The following PPARGC1B variants were observed in gnomAD, a reference collection of about 807,000 sequenced individuals.
PPARGC1B encodes peroxisome proliferator-activated receptor gamma coactivator 1-beta.
PPARGC1B carries 34 observed loss-of-function variants against 101.6 expected under a neutral mutation model. The observed-to-expected ratio is 0.33, with a 90% confidence interval of 0.25 to 0.45. PPARGC1B has a LOEUF of 0.45. PPARGC1B is among the 20% of genes least tolerant of loss of function. The probability of loss-of-function intolerance (pLI) is 1.00; values close to 1 mark genes in which losing one functional copy is unlikely to be tolerated. For synonymous variants in PPARGC1B, 548 were observed against 539.3 expected (o/e 1.02, Z -0.22); for missense variants, 1,234 against 1,317.6 (o/e 0.94, Z 0.98).
intron 1 of PPARGC1B, among the ~76,000 whole-genome samples, chr5:149,790,753 G>A (rs1400057379): frequency 1.3e-5 from 2 of 152,096 alleles, no homozygotes; most frequent in Non-Finnish European, 2.9e-5. Flanking sequence ...CTGTGAGATG[G>A]GACCGGGCAA....
intron 1 of PPARGC1B, among the ~76,000 whole-genome samples, chr5:149,731,987 C>A (rs1374936237): frequency 3.3e-5 from 5 of 151,806 alleles, no homozygotes; most frequent in African/African-American, 1.2e-4. Context: ...GGGCTAGTGG[C>A]GTGTGATTGC....
At chr5:149,763,778 G>A (rs1465937696) in intron 1 of PPARGC1B, among the ~76,000 whole-genome samples, 1 of 151,868 alleles carries the variant, frequency 6.6e-6, no homozygotes, top group Non-Finnish European at 1.5e-5. Context: ...TCATTTCTCT[G>A]CCTTTTTTTC....
At chr5:149,772,068 C>T in intron 1 of PPARGC1B, 2 of 1,560,152 alleles carry the variant, frequency 1.3e-6, no homozygotes, top group South Asian at 2.4e-5. Context: ...AGGTGGGGAC[C>T]TCTGAGGGGC....
chr5:149,856,155 A>G (rs1448655756), downstream of PPARGC1B, among the ~76,000 whole-genome samples: 1 of 152,176 alleles, frequency 6.6e-6, no homozygotes, highest in East Asian at 1.9e-4. Flanking sequence ...GAATGATTAC[A>G]TTTTATGTTA....
At chr5:149,761,629 G>A (rs758937336) in intron 1 of PPARGC1B, 3 of 152,204 alleles carry the variant, frequency 2.0e-5, no homozygotes, top group Non-Finnish European at 2.9e-5. Flanking sequence ...ACATATAACA[G>A]AATATTATGC....
intron 2 of PPARGC1B, among the ~76,000 whole-genome samples, chr5:149,825,204 G>T (rs74839673): frequency 6.6e-6 from 1 of 152,338 alleles, no homozygotes; most frequent in African/African-American, 2.4e-5. Context: ...AACACACGCC[G>T]ACCCTCCTTA....
At chr5:149,814,727 C>T (rs1195032986) in intron 1 of PPARGC1B, among the ~76,000 whole-genome samples, 1 of 152,244 alleles carries the variant, frequency 6.6e-6, no homozygotes, top group Non-Finnish European at 1.5e-5. Flanking sequence ...CAATTTCCAG[C>T]AAGATCACAA....
intron 1 of PPARGC1B, among the ~76,000 whole-genome samples, chr5:149,791,133 A>G (rs1756999888): frequency 6.8e-6 from 1 of 146,620 alleles, no homozygotes; most frequent in Non-Finnish European, 1.5e-5. Flanking sequence ...TACTAAAAAT[A>G]TAAAAATTTT....
chr5:149,779,248 A>G (rs542678006), intron 1 of PPARGC1B, among the ~76,000 whole-genome samples: 6 of 152,260 alleles, frequency 3.9e-5, no homozygotes, highest in African/African-American at 1.2e-4. Context: ...CTTCCCACTG[A>G]TAAGATGGGG....
chr5:149,814,321 G>A (rs1363468271), intron 1 of PPARGC1B, among the ~76,000 whole-genome samples: 7 of 152,096 alleles, frequency 4.6e-5, no homozygotes, highest in East Asian at 3.9e-4. Flanking sequence ...TCATTCACAC[G>A]TATATTCCTT....
At chr5:149,777,652 C>G (rs1756415296) in intron 1 of PPARGC1B, among the ~76,000 whole-genome samples, 1 of 152,132 alleles carries the variant, frequency 6.6e-6, no homozygotes, top group Admixed American at 6.5e-5. Flanking sequence ...TGCCGGGCAG[C>G]CGGCCCCTCC....
At chr5:149,815,168 T>A (rs751837520) in intron 1 of PPARGC1B, among the ~76,000 whole-genome samples, 5 of 152,246 alleles carry the variant, frequency 3.3e-5, no homozygotes. Flanking sequence ...CCCTGGGTGT[T>A]ATGGGTTGAA....
At chr5:149,756,911 T>C (rs1391667582) in intron 1 of PPARGC1B, among the ~76,000 whole-genome samples, 2 of 152,116 alleles carry the variant, frequency 1.3e-5, no homozygotes, top group Admixed American at 6.5e-5. Flanking sequence ...CTCCTTGGCT[T>C]ATTAATTGTT....
chr5:149,844,719 AC>A (rs1402764113), intron 10 of PPARGC1B, among the ~76,000 whole-genome samples: 50 of 152,234 alleles, frequency 3.3e-4, no homozygotes, highest in Non-Finnish European at 4.8e-4. Context: ...AACATGATTC[AC>A]GTAAATGTTT....
Position 149,736,116 on chromosome 5 carries a change from T to G in PPARGC1B, c.78+5696T>G, listed in dbSNP as rs190843560. 3.0e-4 allele frequency among the ~76,000 whole-genome samples: 45 copies of G among 152,228 alleles called. 1 individual carries two copies. Among genetic ancestry groups the G allele is most frequent in the Non-Finnish European group, 1.0e-4 (7 of 68,018 alleles). The stretch of plus-strand genomic sequence containing the variant: ...GAGATTGCACCACTGCACTCCAGCC[T>G]AGGCAACAGAGTGAGACTCCATCTC... On this transcript the variant is annotated intron_variant, in intron 1 of 11. Transcript: ENST00000309241.
intron 1 of PPARGC1B, among the ~76,000 whole-genome samples, chr5:149,812,346 G>A (rs1757896066): frequency 6.6e-6 from 1 of 152,094 alleles, no homozygotes; most frequent in Non-Finnish European, 1.5e-5. Context: ...ATTTCTGTGG[G>A]GACTAAGATA....
chr5:149,799,690 G>GTTTTTTTTTTTTTTTTTT lies in PPARGC1B; in HGVS notation c.79-20741_79-20740insTTTTTTTTTTTTTTTTTT, dbSNP rs369350284. ...TTTTTTGTTTGTTTGTTTGCTTGTT[G>GTTTTTTTTTTTTTTTTTT]TTGTTTTTTTTTTTTTTTTTTTTTG... On this transcript the variant is annotated intron_variant, in intron 1 of 11. Transcript: ENST00000309241. 2.2e-4 allele frequency among the ~76,000 whole-genome samples: 14 copies of GTTTTTTTTTTTTTTTTTT among 65,064 alleles called. 3 individuals carry two copies. Among genetic ancestry groups the GTTTTTTTTTTTTTTTTTT allele is most frequent in the African/African-American group, 3.7e-4 (7 of 18,720 alleles). 42.7% of individuals were successfully genotyped at this position (65,064 alleles called of 152,430 possible).
At chr5:149,756,936 T>G (rs1406352180) in intron 1 of PPARGC1B, among the ~76,000 whole-genome samples, 1 of 152,136 alleles carries the variant, frequency 6.6e-6, no homozygotes, top group Non-Finnish European at 1.5e-5. Flanking sequence ...CAAGGGAAGT[T>G]TCCTTCTCAT....
chr5:149,768,595 C>T lies in PPARGC1B; in HGVS notation c.78+38175C>T, dbSNP rs1756006030. ...AGTAGCTGAGACTATAAGTGCCCACCACCACGTCTGGCTAATTTTTGTATT... is the reference window on the plus strand; with the variant it reads ...AGTAGCTGAGACTATAAGTGCCCACTACCACGTCTGGCTAATTTTTGTATT... On this transcript the variant is annotated intron_variant, in intron 1 of 11. Coordinates refer to ENST00000309241, the MANE Select transcript of PPARGC1B (RefSeq NM_133263.4). Among the ~76,000 whole-genome samples the T allele has an allele frequency of 2.0e-5, 3 of 148,400 alleles. No homozygotes were observed. In the South Asian group the frequency reaches 6.3e-4, roughly 31 times the overall value.
Sources: gnomAD v4.1 joint callset for allele counts (sites outside exome capture counted in the v4.1 genomes callset) on GRCh38, gnomAD v4.1.1 for gene constraint, MANE v1.5 for transcripts, NCBI Gene and HGNC (gene_info 2026-07-23, HGNC 2026-07-21) for gene names.